NOSTRIN: variants seen among roughly 807,000 people sequenced by gnomAD.
NOSTRIN encodes the protein BM247 homolog.
Under a neutral mutation model 59.0 loss-of-function variants are expected in NOSTRIN, and 63 were observed. That is an observed-to-expected ratio of 1.07 (90% CI 0.87 to 1.32). The LOEUF is 1.32. NOSTRIN is among the 40% of genes most tolerant of loss of function. The probability of loss-of-function intolerance (pLI) is 0.00; values close to 1 mark genes in which losing one functional copy is unlikely to be tolerated. For missense variants in NOSTRIN, 512 were observed against 473.1 expected (o/e 1.08, Z -0.76); for synonymous variants, 200 against 165.4 (o/e 1.21, Z -1.61).
At chr2:168,841,050 G>A (rs1295318001) in intron 7 of NOSTRIN, among the ~76,000 whole-genome samples, 1 of 151,666 alleles carries the variant, frequency 6.6e-6, no homozygotes, top group Admixed American at 6.6e-5. Flanking sequence ...CCCAGGAGTT[G>A]GAGACCAGAC....
intron 11 of NOSTRIN, 83 bp from the exon 12 acceptor site, chr2:168,856,607 G>C: frequency 2.4e-6 from 3 of 1,227,440 alleles, no homozygotes; most frequent in Non-Finnish European, 3.6e-6. Flanking sequence ...TCACTTCTAG[G>C]CTCCCTTTGA....
At chr2:168,794,670 A>G (rs1447846124), upstream of NOSTRIN, among the ~76,000 whole-genome samples, 2 of 152,322 alleles carry the variant, frequency 1.3e-5, no homozygotes, top group African/African-American at 4.8e-5. Flanking sequence ...ATTTTTAACA[A>G]GTACTCAGAG....
intron 7 of NOSTRIN, among the ~76,000 whole-genome samples, chr2:168,836,869 C>T (rs1444505217): frequency 6.6e-6 from 1 of 152,198 alleles, no homozygotes; most frequent in African/African-American, 2.4e-5. Context: ...CTAATGATTC[C>T]TCCCCACCAG....
At chr2:168,834,507 G>GCGTGCGCACACACACA (rs756381301) in intron 7 of NOSTRIN, among the ~76,000 whole-genome samples, 182 bp downstream of exon 7, 95 of 125,432 alleles carry the variant, frequency 7.6e-4, no homozygotes, top group Non-Finnish European at 1.2e-3. Context: ...GCGCGCGCGC[G>GCGTGCGCACACACACA]CACACACACA....
At chr2:168,798,302 A>C (rs1470770866), upstream of NOSTRIN, 1 of 152,158 alleles carries the variant, frequency 6.6e-6, no homozygotes, top group Non-Finnish European at 1.5e-5. Flanking sequence ...GCTGTTGCCA[A>C]TTCTTTGCAC....
At chr2:168,813,126 T>C (rs1038664697) in intron 2 of NOSTRIN, among the ~76,000 whole-genome samples, 17 of 152,202 alleles carry the variant, frequency 1.1e-4, no homozygotes, top group Non-Finnish European at 2.2e-4. Flanking sequence ...GAAAATATTG[T>C]TATCAGTCCC....
chr2:168,839,945 G>A (rs1687973821), intron 7 of NOSTRIN, among the ~76,000 whole-genome samples: 1 of 138,110 alleles, frequency 7.2e-6, no homozygotes, highest in Admixed American at 7.3e-5. Context: ...GTGTGTATGA[G>A]TATACATTCT....
chr2:168,838,601 C>A (rs1687875893), intron 7 of NOSTRIN, among the ~76,000 whole-genome samples: 1 of 151,966 alleles, frequency 6.6e-6, no homozygotes, highest in Non-Finnish European at 1.5e-5. Context: ...CTCTCTCAGG[C>A]CGCAATCATC....
chr2:168,849,513 G>T (rs1297472595), intron 8 of NOSTRIN, among the ~76,000 whole-genome samples: 1 of 151,822 alleles, frequency 6.6e-6, no homozygotes, highest in African/African-American at 2.4e-5. Flanking sequence ...CCGCCACCAG[G>T]CCTGGCTAAT....
intron 1 of NOSTRIN, among the ~76,000 whole-genome samples, 161 bp downstream of exon 1, chr2:168,802,834 T>G (rs886204379): frequency 2.0e-5 from 3 of 152,228 alleles, no homozygotes; most frequent in African/African-American, 7.2e-5. Context: ...TTTGGTTCAG[T>G]TTAAAAACAG....
intron 7 of NOSTRIN, among the ~76,000 whole-genome samples, chr2:168,841,485 G>T (rs1482837662): frequency 6.6e-6 from 1 of 152,128 alleles, no homozygotes; most frequent in African/African-American, 2.4e-5. Context: ...ATGGGCAAGA[G>T]GGGGGCTCTT....
chr2:168,854,480 A>G (rs758401522), intron 10 of NOSTRIN, among the ~76,000 whole-genome samples: 18 of 152,040 alleles, frequency 1.2e-4, no homozygotes, highest in Admixed American at 2.6e-4. Context: ...TTTTTATTCA[A>G]TCCTTGAAAT....
At chr2:168,813,195 T>G (rs1686238694) in intron 2 of NOSTRIN, among the ~76,000 whole-genome samples, 1 of 152,182 alleles carries the variant, frequency 6.6e-6, no homozygotes, top group Non-Finnish European at 1.5e-5. Context: ...ATTCAACTCA[T>G]TACCCAGATT....
At chr2:168,863,714 G>A (rs903451882) in intron 15 of NOSTRIN, 2 of 916,816 alleles carry the variant, frequency 2.2e-6, no homozygotes, top group African/African-American at 3.6e-5. Flanking sequence ...GGATAATGCA[G>A]AGACATTGTC....
intron 10 of NOSTRIN, among the ~76,000 whole-genome samples, chr2:168,851,682 A>G (rs544834251): frequency 6.6e-6 from 1 of 152,248 alleles, no homozygotes; most frequent in Non-Finnish European, 1.5e-5. Flanking sequence ...ACATGTTTCA[A>G]TGACCTATAA....
At chr2:168,853,988 C>T (rs938303139) in intron 10 of NOSTRIN, among the ~76,000 whole-genome samples, 8 of 152,228 alleles carry the variant, frequency 5.3e-5, no homozygotes, top group African/African-American at 1.9e-4. Flanking sequence ...CTGCCCCAGC[C>T]TCCCAAGTAG....
At position 168,859,523 on chromosome 2, in the gene NOSTRIN, A is replaced by G; in HGVS notation, c.1065A>G (p.Lys355=). The G allele has an allele frequency of 2.5e-6, 4 of 1,614,122 alleles. No individual in the cohort carries two copies. The highest frequency in any genetic ancestry group is 3.4e-6 in the Non-Finnish European group (4 of 1,179,988). ...TGATGTATCCACAGAACAATTTGAA[A>G]CTAGACCTTTTGGAAGCGAACTCCT... ...TAALMDENNL[K]LDLLEANSYK... is the part of the protein sequence containing the mutation. The change falls in exon 13 of 16, where the codon AAA becomes AAG. Residue 355 remains lysine, a synonymous_variant. Coordinates refer to ENST00000317647, the MANE Select transcript of NOSTRIN (RefSeq NM_001039724.4).
At chr2:168,844,158 G>A (rs1222963100) in intron 8 of NOSTRIN, among the ~76,000 whole-genome samples, 1 of 152,170 alleles carries the variant, frequency 6.6e-6, no homozygotes, top group African/African-American at 2.4e-5. Flanking sequence ...GAGTTTATAT[G>A]TGTGTGTTTG....
At chr2:168,858,614 G>T (rs1290241916) in intron 12 of NOSTRIN, among the ~76,000 whole-genome samples, 1 of 152,206 alleles carries the variant, frequency 6.6e-6, no homozygotes, top group Admixed American at 6.5e-5. Flanking sequence ...ATCAAGTGAA[G>T]GTCTAATGGT....
Sources: allele counts gnomAD v4.1 joint callset (sites outside exome capture counted in the v4.1 genomes callset), GRCh38; gene constraint gnomAD v4.1.1; transcripts MANE v1.5; gene names NCBI Gene and HGNC (gene_info 2026-07-23, HGNC 2026-07-21).